NBAS: variants seen among roughly 807,000 people sequenced by gnomAD.
NBAS encodes the protein NAG/BC035112 fusion.
A neutral mutation model predicts 302.5 loss-of-function variants in NBAS; 219 were observed. The observed-to-expected ratio is 0.72, with a 90% confidence interval of 0.65 to 0.81. The LOEUF (loss-of-function observed/expected upper bound fraction) is 0.81, where lower values mean the gene tolerates loss of function less well. Among genes scored for constraint, NBAS ranks in the 30% least tolerant of loss-of-function variants. NBAS has a pLI of 0.00. For missense variants in NBAS, 2,932 were observed against 2,841.6 expected, an observed-to-expected ratio of 1.03 and a Z score of -0.72; for synonymous variants, 1,118 against 1,021.6, an observed-to-expected ratio of 1.09 and a Z score of -1.80.
intron 40 of NBAS, among the ~76,000 whole-genome samples, chr2:15,305,699 G>A (rs1183022117): frequency 3.3e-5 from 5 of 151,954 alleles, no homozygotes; most frequent in African/African-American, 7.3e-5. Context: ...CACCTGCCTC[G>A]GTCTCCCAAA....
Position 15,190,284 on chromosome 2 carries a change from T to G in NBAS, c.6552A>C (p.Pro2184=). Residue 2184 remains proline, a synonymous_variant, in exon 49 of 52, where the codon CCA becomes CCC. Coordinates refer to ENST00000281513, the MANE Select transcript of NBAS (RefSeq NM_015909.4). ...QHLVLLLQAW[P]PMKSEYVITN... ...CTTACACATATTCACTTTTCATAGG[T>G]GGCCAAGCTTGCAAAAGTAAAACCA... 6.2e-7 allele frequency: 1 copy of G among 1,613,960 alleles called. No individual in the cohort carries two copies. The highest frequency in any genetic ancestry group is 1.3e-5 in the African/African-American group (1 of 75,030).
intron 40 of NBAS, among the ~76,000 whole-genome samples, chr2:15,298,987 C>T (rs1174324687): frequency 6.6e-6 from 1 of 152,158 alleles, no homozygotes; most frequent in African/African-American, 2.4e-5. Context: ...GCTCTACATC[C>T]AGCTTCACAC....
At chr2:14,838,632 C>A in the NBAS span, among the ~76,000 whole-genome samples, 1 of 151,666 alleles carries the variant, frequency 6.6e-6, no homozygotes, top group Non-Finnish European at 1.5e-5. Context: ...TTATTGTATA[C>A]CAGAGTTGAA....
intron 30 of NBAS, among the ~76,000 whole-genome samples, chr2:15,375,587 A>C (rs1056203530): frequency 2.0e-5 from 3 of 152,206 alleles, no homozygotes; most frequent in African/African-American, 7.2e-5. Context: ...CTGTTGATTC[A>C]AGTGTGAAAG....
At chr2:14,846,421 A>G in the NBAS span, among the ~76,000 whole-genome samples, 1 of 151,196 alleles carries the variant, frequency 6.6e-6, no homozygotes, top group Non-Finnish European at 1.5e-5. Flanking sequence ...AAGAAATGCT[A>G]AAAGGAGTAC....
chr2:14,970,880 T>C, the NBAS span, among the ~76,000 whole-genome samples: 2 of 152,138 alleles, frequency 1.3e-5, no homozygotes, highest in African/African-American at 4.8e-5. Flanking sequence ...AAAGCAAGGA[T>C]TTGTTGTTCC....
At chr2:15,119,869 G>A in the NBAS span, among the ~76,000 whole-genome samples, 1 of 152,122 alleles carries the variant, frequency 6.6e-6, no homozygotes, top group Non-Finnish European at 1.5e-5. Context: ...CCACACCTCT[G>A]CAAAGTAGGA....
At chr2:15,032,734 G>A in the NBAS span, among the ~76,000 whole-genome samples, 4 of 152,164 alleles carry the variant, frequency 2.6e-5, no homozygotes, top group East Asian at 1.9e-4. Context: ...TGTGAACCAC[G>A]GACTTAACCA....
chr2:14,901,730 T>A, the NBAS span, among the ~76,000 whole-genome samples: 1 of 152,216 alleles, frequency 6.6e-6, no homozygotes, highest in Non-Finnish European at 1.5e-5. Flanking sequence ...TAATTCATCA[T>A]TTTTAAATAC....
intron 26 of NBAS, among the ~76,000 whole-genome samples, chr2:15,401,257 T>C (rs1023200664): frequency 1.3e-5 from 2 of 152,130 alleles, no homozygotes; most frequent in Non-Finnish European, 2.9e-5. Flanking sequence ...TCATGGTAGA[T>C]TGCAAAATTG....
At chr2:14,784,897 A>C in the NBAS span, among the ~76,000 whole-genome samples, 1 of 152,144 alleles carries the variant, frequency 6.6e-6, no homozygotes, top group African/African-American at 2.4e-5. Flanking sequence ...TGAATCTATA[A>C]ATTACCTTGG....
intron 48 of NBAS, among the ~76,000 whole-genome samples, chr2:15,212,649 G>A (rs757501425): frequency 3.3e-5 from 5 of 152,142 alleles, no homozygotes; most frequent in Admixed American, 6.5e-5. Context: ...GTAGTGGAAG[G>A]GAACTGGTGG....
the NBAS span, among the ~76,000 whole-genome samples, chr2:15,102,672 TTCTTCCACTAC>T: frequency 1.3e-5 from 2 of 152,146 alleles, no homozygotes; most frequent in African/African-American, 4.8e-5. Flanking sequence ...ACTTGAAATG[TTCTTCCACTAC>T]TCTTACCTTA....
At chr2:15,476,385 G>T (rs1572904523) in intron 13 of NBAS, among the ~76,000 whole-genome samples, 1 of 151,748 alleles carries the variant, frequency 6.6e-6, no homozygotes, top group Non-Finnish European at 1.5e-5. Flanking sequence ...TAATCAGAGA[G>T]GGAAAAAAAA....
At chr2:15,341,963 G>A (rs1330730061) in intron 35 of NBAS, among the ~76,000 whole-genome samples, 2 of 152,096 alleles carry the variant, frequency 1.3e-5, no homozygotes, top group Non-Finnish European at 2.9e-5. Context: ...ATCTTCCACA[G>A]AGAACACTTA....
At chr2:15,271,602 T>G (rs941183788) in intron 44 of NBAS, among the ~76,000 whole-genome samples, 15 of 152,220 alleles carry the variant, frequency 9.9e-5, no homozygotes, top group Non-Finnish European at 2.9e-5. Context: ...AGAAGGATCC[T>G]GGCAAACTTC....
At position 15,536,426 on chromosome 2, in the gene NBAS, G is replaced by A; in HGVS notation, c.639C>T (p.Tyr213=). The change falls in exon 8 of 52, where the codon TAC becomes TAT. Residue 213 remains tyrosine, a synonymous_variant. Coordinates refer to ENST00000281513, the MANE Select transcript of NBAS (RefSeq NM_015909.4). ...VINYRGELRS[Y]LVSVGTNQSY... is the part of the protein sequence containing the mutation. The stretch of plus-strand genomic sequence containing the variant: ...CCAAAGCACATTTTTACCTTACAAG[G>A]TAACTTCTAAGTTCTCCTCGGTAAT... The A allele has an allele frequency of 6.2e-7, 1 of 1,613,158 alleles. No individual in the cohort carries two copies. Among genetic ancestry groups the A allele is most frequent in the Non-Finnish European group, 8.5e-7 (1 of 1,179,886 alleles).
chr2:15,185,994 G>A (rs924244972), intron 50 of NBAS, among the ~76,000 whole-genome samples: 5 of 151,782 alleles, frequency 3.3e-5, no homozygotes, highest in South Asian at 4.2e-4. Context: ...ATAATATACC[G>A]CTGAGGTGGG....
intron 19 of NBAS, 26 bp downstream of exon 19, chr2:15,467,303 T>C (rs748914654): frequency 4.7e-6 from 7 of 1,504,164 alleles, no homozygotes; most frequent in East Asian, 4.5e-5. Flanking sequence ...ATGAACATAA[T>C]TGGTTTGACA....
Sources: allele counts gnomAD v4.1 joint callset (sites outside exome capture counted in the v4.1 genomes callset), GRCh38; gene constraint gnomAD v4.1.1; transcripts MANE v1.5; gene names NCBI Gene and HGNC (gene_info 2026-07-23, HGNC 2026-07-21).